SPATA6L: variants seen among roughly 807,000 people sequenced by gnomAD.
SPATA6L encodes spermatogenesis associated 6-like protein.
SPATA6L carries 68 observed loss-of-function variants against 49.2 expected under a neutral mutation model. The observed-to-expected ratio is 1.38, with a 90% CI of 1.14 to 1.69. The LOEUF is 1.69. Among genes scored for constraint, SPATA6L ranks in the 40% most tolerant of loss-of-function variants. The pLI is 0.00. For synonymous variants in SPATA6L, 198 were observed against 165.7 expected (o/e 1.19, Z -1.50); for missense variants, 668 against 464.3 (o/e 1.44, Z -4.03).
downstream of SPATA6L, among the ~76,000 whole-genome samples, chr9:4,595,943 G>C (rs954944184): frequency 1.3e-5 from 2 of 152,198 alleles, no homozygotes; most frequent in African/African-American, 4.8e-5. Context: ...CCTTTGGCTG[G>C]TTTAGATTTG....
intron 13 of SPATA6L, among the ~76,000 whole-genome samples, chr9:4,589,235 G>A (rs1821748862): frequency 6.6e-6 from 1 of 152,252 alleles, no homozygotes; most frequent in Admixed American, 6.5e-5. Context: ...ATGTAGCAAA[G>A]ATTCTGTTAC....
intron 4 of SPATA6L, chr9:4,632,980 C>G (rs1831949033): frequency 6.6e-6 from 1 of 152,244 alleles, no homozygotes; most frequent in African/African-American, 2.4e-5. Flanking sequence ...AATACATTAA[C>G]TGTTACTTGG....
chr9:4,603,719 C>T (rs945475539), intron 11 of SPATA6L, among the ~76,000 whole-genome samples: 1 of 152,086 alleles, frequency 6.6e-6, no homozygotes, highest in African/African-American at 2.4e-5. Context: ...GAAATTGTGT[C>T]ATAATTTATG....
intron 2 of SPATA6L, among the ~76,000 whole-genome samples, chr9:4,661,063 A>G (rs1839581311): frequency 6.6e-6 from 1 of 152,154 alleles, no homozygotes; most frequent in African/African-American, 2.4e-5. Flanking sequence ...TGGGTGCAGC[A>G]CACCAACATG....
chr9:4,595,222 A>G (rs867936881), downstream of SPATA6L, among the ~76,000 whole-genome samples: 29 of 152,228 alleles, frequency 1.9e-4, no homozygotes, highest in African/African-American at 6.3e-4. Flanking sequence ...TTCTTCCTTA[A>G]AAGGGCCAGG....
Position 4,590,764 on chromosome 9 carries a change from GC to G in SPATA6L, c.*255-1804del, listed in dbSNP as rs1753492319. ...ACTGTTTATCAAAAAATGGAGGGAG[GC>G]AAATAACCCTGGAACTAAATGCAGA... On this transcript the variant is annotated intron_variant and NMD_transcript_variant, in intron 13 of 13. Coordinates refer to the SPATA6L transcript ENST00000461761. Among the ~76,000 whole-genome samples, 4 of 152,204 alleles carry G rather than the reference GC, an allele frequency of 2.6e-5. No individual in the cohort carries two copies. The South Asian group carries it at 8.3e-4, about 32-fold the overall frequency.
At chr9:4,611,799 A>T (rs971151964) in intron 9 of SPATA6L, among the ~76,000 whole-genome samples, 5 of 149,824 alleles carry the variant, frequency 3.3e-5, no homozygotes, top group African/African-American at 1.3e-4. Flanking sequence ...AAAGTATAAT[A>T]ATAAAAGAAA....
chr9:4,649,944 C>G (rs1239235846), intron 3 of SPATA6L, among the ~76,000 whole-genome samples: 2 of 152,164 alleles, frequency 1.3e-5, no homozygotes, highest in East Asian at 1.9e-4. Flanking sequence ...TGTGACCCAT[C>G]TCAGAGAGAT....
chr9:4,631,253 T>C (rs955923943), intron 4 of SPATA6L, among the ~76,000 whole-genome samples: 3 of 152,182 alleles, frequency 2.0e-5, no homozygotes, highest in Non-Finnish European at 2.9e-5. Flanking sequence ...ATGGTGATAA[T>C]GGTTGGTCAA....
chr9:4,620,213 C>G (rs982925541), intron 7 of SPATA6L, among the ~76,000 whole-genome samples: 14 of 152,074 alleles, frequency 9.2e-5, no homozygotes, highest in African/African-American at 3.4e-4. Context: ...TAACCTCCTT[C>G]TCATAACCTC....
chr9:4,607,610 C>T lies in SPATA6L; in HGVS notation c.996-2170G>A, dbSNP rs1226131237. ...AGCAAATGCTCAGAGATTTTGTCACCACCAGGCCTGCCCTAAAAGAGCTCC... is the reference window on the plus strand; with the variant it reads ...AGCAAATGCTCAGAGATTTTGTCACTACCAGGCCTGCCCTAAAAGAGCTCC... On this transcript the variant is annotated intron_variant, in intron 9 of 11. Transcript: ENST00000682582. Among the ~76,000 whole-genome samples the T allele has an allele frequency of 5.3e-5, 8 of 152,068 alleles. No homozygotes were observed. In the South Asian group the frequency reaches 1.7e-3, roughly 32 times the overall value.
Position 4,666,399 on chromosome 9 carries a change from C to T in SPATA6L, c.-149G>A. ...GCCCTTGTTCCCCTACCGTCCCCCC[C>T]AGCCCAGGTCCCTCCCACCGGGACG... On this transcript the variant is annotated 5_prime_UTR_variant, in exon 1 of 12. Coordinates refer to ENST00000682582, the MANE Select transcript of SPATA6L (RefSeq NM_001353486.2). 2 of 779,178 alleles carry T rather than the reference C, an allele frequency of 2.6e-6. No individual in the cohort carries two copies. The highest frequency in any genetic ancestry group is 4.4e-6 in the Non-Finnish European group (2 of 457,268). The allele number at this position is 779,178 out of a possible 1,614,324, so 48.3% of individuals were successfully genotyped here. A position where few individuals can be genotyped will look rare whatever the true frequency, so the allele number is the denominator to read the frequency against.
intron 11 of SPATA6L, among the ~76,000 whole-genome samples, chr9:4,602,500 A>G (rs1823594574): frequency 2.0e-5 from 3 of 152,240 alleles, no homozygotes; most frequent in Admixed American, 2.0e-4. Context: ...TAAAGCATGC[A>G]TGACCCTCAA....
intron 3 of SPATA6L, among the ~76,000 whole-genome samples, chr9:4,645,655 C>T (rs1352389813): frequency 6.6e-6 from 1 of 152,150 alleles, no homozygotes; most frequent in Non-Finnish European, 1.5e-5. Flanking sequence ...GAATATTATT[C>T]AGGCACAAAA....
At chr9:4,659,718 C>G (rs1839165338) in intron 2 of SPATA6L, among the ~76,000 whole-genome samples, 1 of 152,156 alleles carries the variant, frequency 6.6e-6, no homozygotes, top group Non-Finnish European at 1.5e-5. Flanking sequence ...CCCGCATTGC[C>G]AAGACAATCC....
chr9:4,621,210 C>T (rs1032666614), intron 7 of SPATA6L, among the ~76,000 whole-genome samples: 1 of 152,202 alleles, frequency 6.6e-6, no homozygotes, highest in Non-Finnish European at 1.5e-5. Context: ...CTGATCTTCA[C>T]CGACATGACC....
chr9:4,656,718 C>T (rs984425709), intron 2 of SPATA6L, among the ~76,000 whole-genome samples: 2 of 152,164 alleles, frequency 1.3e-5, no homozygotes, highest in Non-Finnish European at 2.9e-5. Flanking sequence ...ATATCATCGA[C>T]TTGACCTAGC....
intron 9 of SPATA6L, among the ~76,000 whole-genome samples, chr9:4,607,494 A>T (rs985492654): frequency 6.6e-6 from 1 of 152,242 alleles, no homozygotes; most frequent in African/African-American, 2.4e-5. Context: ...AATATTCCAC[A>T]TTCTTAAAGA....
chr9:4,664,509 TGCC>T (rs1840562241), intron 1 of SPATA6L: 2 of 167,056 alleles, frequency 1.2e-5, no homozygotes, highest in African/African-American at 4.8e-5. Context: ...TCATCCATGG[TGCC>T]TCCCCAAATC....
Sources: allele counts gnomAD v4.1 joint callset (sites outside exome capture counted in the v4.1 genomes callset), GRCh38; gene constraint gnomAD v4.1.1; transcripts MANE v1.5; gene names NCBI Gene and HGNC (gene_info 2026-07-23, HGNC 2026-07-21).